Variants in STN1 observed in about 807,000 individuals in gnomAD.
STN1 encodes STN1 subunit of CST complex, also known as CST complex subunit STN1.
STN1 carries 29 observed loss-of-function variants against 45.5 expected under a neutral mutation model. That is an observed-to-expected ratio of 0.64 (90% CI 0.47 to 0.87). The LOEUF (loss-of-function observed/expected upper bound fraction) is 0.87, where lower values mean the gene tolerates loss of function less well. Among genes scored for constraint, STN1 ranks in the 40% least tolerant of loss-of-function variants. The pLI is 0.00. For missense variants in STN1, 376 were observed against 441.4 expected (o/e 0.85, Z 1.33); for synonymous variants, 148 against 159.0 (o/e 0.93, Z 0.52).
In STN1 at chr10:103,900,225, T is replaced by G; in HGVS notation, c.296-2A>C. On this transcript the variant is annotated splice_acceptor_variant, in intron 4 of 9. Transcript: ENST00000224950. LOFTEE classifies it high-confidence loss of function. ...GCTCTCTTGCTGCACTTGGAGCAGC[T>G]GTAGTTGTTTAGAGCCAGAGGGAAA... 6.2e-7 allele frequency: 1 copy of G among 1,613,508 alleles called. No individual in the cohort carries two copies. Among genetic ancestry groups the G allele is most frequent in the South Asian group, 1.1e-5 (1 of 91,014 alleles).
At position 103,897,656 on chromosome 10, in the gene STN1, G is replaced by A. The variant is rs763765122; in HGVS notation, c.645C>T (p.Phe215=). Residue 215 remains phenylalanine (F), a synonymous_variant, in exon 7 of 10, where the codon TTC becomes TTT. Coordinates refer to ENST00000224950, the MANE Select transcript of STN1 (RefSeq NM_024928.5). The part of the protein sequence containing the change: ...TSLLSEKAKE[F]LMENRVQSFY... The stretch of plus-strand genomic sequence containing the variant: ...AGCTCTGCACTCTGTTCTCCATGAG[G>A]AATTCTTTGGCTTTTTCACTCAGCA... 1.2e-6 allele frequency: 2 copies of A among 1,614,206 alleles called. No homozygotes were observed. The highest frequency in any genetic ancestry group is 1.7e-6 in the Non-Finnish European group (2 of 1,180,028).
chr10:103,888,013 A>C (rs117187517), intron 9 of STN1, among the ~76,000 whole-genome samples: 1 of 152,364 alleles, frequency 6.6e-6, no homozygotes, highest in Non-Finnish European at 1.5e-5. Context: ...TTTTCCCTCA[A>C]CTAAAGGATA....
At chr10:103,894,027 C>T (rs1178026316) in intron 7 of STN1, among the ~76,000 whole-genome samples, 1 of 152,166 alleles carries the variant, frequency 6.6e-6, no homozygotes, top group African/African-American at 2.4e-5. Flanking sequence ...AACACCACAC[C>T]TAGCAATCCT....
intron 2 of STN1, among the ~76,000 whole-genome samples, chr10:103,914,681 A>AAAAAC (rs1007433830): frequency 1.3e-5 from 2 of 151,956 alleles, no homozygotes; most frequent in Non-Finnish European, 2.9e-5. Context: ...AAAAAAACCC[A>AAAAAC]AAAACAAAAC....
At chr10:103,908,414 C>G (rs7920217) in intron 3 of STN1, among the ~76,000 whole-genome samples, 21 of 121,732 alleles carry the variant, frequency 1.7e-4, no homozygotes, top group African/African-American at 5.4e-4. Flanking sequence ...CCGCCTGGGC[C>G]GCTGGCCTTG....
chr10:103,916,441 A>G (rs569566299), intron 2 of STN1, among the ~76,000 whole-genome samples: 1 of 152,364 alleles, frequency 6.6e-6, no homozygotes, highest in East Asian at 1.9e-4. Context: ...AACAATAATT[A>G]GGAAATAAAG....
chr10:103,907,891 G>A (rs1442650845), intron 3 of STN1, among the ~76,000 whole-genome samples: 1 of 151,956 alleles, frequency 6.6e-6, no homozygotes, highest in Non-Finnish European at 1.5e-5. Flanking sequence ...CACTTTGGGA[G>A]GCCGAGGTGG....
intron 9 of STN1, among the ~76,000 whole-genome samples, chr10:103,887,230 T>C (rs779023900): frequency 1.3e-5 from 2 of 152,250 alleles, no homozygotes; most frequent in East Asian, 1.9e-4. Context: ...TGTTGACCTC[T>C]AGAAGGCAAT....
intron 9 of STN1, 78 bp downstream of exon 9, chr10:103,888,994 C>G: frequency 9.9e-7 from 1 of 1,010,430 alleles, no homozygotes; most frequent in Non-Finnish European, 1.6e-6. Context: ...GGTCTCCTGA[C>G]TCTCCATCCA....
chr10:103,909,537 T>TAG (rs1843276250), intron 3 of STN1, among the ~76,000 whole-genome samples: 1 of 71,818 alleles, frequency 1.4e-5, no homozygotes, highest in African/African-American at 3.5e-5. Flanking sequence ...TGTACATATA[T>TAG]ATGTACATAT....
Position 103,910,569 on chromosome 10 carries a change from C to G in STN1, c.187G>C (p.Val63Leu). The G allele has an allele frequency of 6.2e-7, 1 of 1,611,564 alleles. No homozygotes were observed. Among genetic ancestry groups the G allele is most frequent in the Non-Finnish European group, 8.5e-7 (1 of 1,177,946 alleles). The stretch of plus-strand genomic sequence containing the variant: ...GCATCTCTTTCTCTCACTCCAATGA[C>G]AGTTCCCAAGACATCTACCTGTTTT... ...PIKQVDVLGT[V>L]IGVRERDAFY... is the part of the protein sequence containing the mutation. Residue 63 changes from valine to leucine, a missense_variant, in exon 3 of 10, where the codon GTC (valine) becomes CTC (leucine). Val to Leu is a conservative substitution (Grantham distance 32, BLOSUM62 1). Transcript: ENST00000224950.
chr10:103,894,959 A>G (rs188391365), intron 7 of STN1, among the ~76,000 whole-genome samples: 1 of 152,202 alleles, frequency 6.6e-6, no homozygotes, highest in Non-Finnish European at 1.5e-5. Context: ...CTCTGCCTCT[A>G]AACTATAACA....
chr10:103,897,115 C>T (rs571914349), intron 7 of STN1, among the ~76,000 whole-genome samples: 5 of 152,208 alleles, frequency 3.3e-5, no homozygotes, highest in South Asian at 4.2e-4. Context: ...AAATAAAGAC[C>T]GAGTTGTATT....
At chr10:103,888,563 GA>G (rs1843118331) in intron 9 of STN1, among the ~76,000 whole-genome samples, 1 of 152,146 alleles carries the variant, frequency 6.6e-6, no homozygotes, top group South Asian at 2.1e-4. Flanking sequence ...CAAGATGACT[GA>G]ATTACACCGT....
chr10:103,895,281 A>G (rs1173647916), intron 7 of STN1, among the ~76,000 whole-genome samples: 2 of 152,386 alleles, frequency 1.3e-5, no homozygotes, highest in East Asian at 1.9e-4. Context: ...GGTTCCCCAC[A>G]GATCATTTTG....
intron 3 of STN1, among the ~76,000 whole-genome samples, chr10:103,906,611 T>C (rs1843243357): frequency 6.6e-6 from 1 of 151,944 alleles, no homozygotes; most frequent in South Asian, 2.1e-4. Context: ...CAGTGAGCCA[T>C]GATCATGCCA....
At position 103,880,456 on chromosome 10, in the gene STN1, C is replaced by A. The variant is rs868257430; in HGVS notation, c.*2228G>T. ...GCCTTCAGGCTGATCTTTGCTTGAA[C>A]GTGGGGTTTCATTTGGGACCCTCCC... is the stretch of plus-strand genomic sequence containing the variant. On this transcript the variant is annotated 3_prime_UTR_variant, in exon 10 of 10. Coordinates refer to ENST00000224950, the MANE Select transcript of STN1 (RefSeq NM_024928.5). 6.6e-6 allele frequency among the ~76,000 whole-genome samples: 1 copy of A among 152,178 alleles called. No individual in the cohort carries two copies. The highest frequency in any genetic ancestry group is 6.5e-5 in the Admixed American group (1 of 15,278).
intron 5 of STN1, 107 bp from the exon 6 acceptor site, chr10:103,899,107 G>A: frequency 3.3e-6 from 4 of 1,225,852 alleles, no homozygotes; most frequent in Non-Finnish European, 4.6e-6. Flanking sequence ...TGAGGTGCTG[G>A]GTGGGCCTCC....
At chr10:103,899,521 C>T (rs1843192916) in intron 5 of STN1, among the ~76,000 whole-genome samples, 1 of 151,624 alleles carries the variant, frequency 6.6e-6, no homozygotes, top group African/African-American at 2.4e-5. Flanking sequence ...ATGGCGAAAC[C>T]CCATCTCTAC....
Sources: allele counts gnomAD v4.1 joint callset (sites outside exome capture counted in the v4.1 genomes callset), GRCh38; gene constraint gnomAD v4.1.1; transcripts MANE v1.5; gene names NCBI Gene and HGNC (gene_info 2026-07-23, HGNC 2026-07-21).